KLF12: variants seen among roughly 807,000 people sequenced by gnomAD.
The protein encoded by KLF12 is KLF transcription factor 12, also known as Krueppel-like factor 12.
In KLF12, 9 loss-of-function variants were observed where a neutral mutation model predicts 37.8. The ratio of observed to expected loss-of-function variants is 0.24; its 90% CI spans 0.14 to 0.42. KLF12 has a LOEUF of 0.42. Ranked by LOEUF, KLF12 falls within the 10% of genes least tolerant of loss-of-function variation. KLF12 has a pLI of 1.00. For missense variants in KLF12, 411 were observed against 516.0 expected (o/e 0.80, Z 1.97); for synonymous variants, 208 against 202.1 (o/e 1.03, Z -0.25).
chr13:73,879,151 C>A (rs1053340603), intron 3 of KLF12, among the ~76,000 whole-genome samples: 22 of 152,186 alleles, frequency 1.4e-4, no homozygotes, highest in African/African-American at 5.1e-4. Context: ...AGAGACTCTT[C>A]AAGTTTACTG....
intron 2 of KLF12, among the ~76,000 whole-genome samples, chr13:73,969,845 T>C (rs1891278499): frequency 1.3e-5 from 2 of 152,328 alleles, no homozygotes; most frequent in South Asian, 2.1e-4. Flanking sequence ...TTCCTCTTAA[T>C]GCAGTACAGA....
At chr13:74,293,593 A>G in the KLF12 span, among the ~76,000 whole-genome samples, 1 of 152,176 alleles carries the variant, frequency 6.6e-6, no homozygotes, top group Non-Finnish European at 1.5e-5. Context: ...GATAAAATAG[A>G]TTCTCTTCTG....
At chr13:73,817,140 G>T (rs1343282240) in intron 4 of KLF12, among the ~76,000 whole-genome samples, 1 of 151,758 alleles carries the variant, frequency 6.6e-6, no homozygotes, top group East Asian at 1.9e-4. Context: ...AACGTAGTGA[G>T]ACCCAACCTC....
chr13:73,996,263 C>T lies in KLF12; in HGVS notation c.-31-1210G>A, dbSNP rs140110523. Among the ~76,000 whole-genome samples, 539 of 152,328 alleles carry T rather than the reference C, an allele frequency of 3.5e-3. 3 individuals carry two copies. The highest frequency in any genetic ancestry group is 0.011 in the African/African-American group (466 of 41,572). On this transcript the variant is annotated intron_variant, in intron 1 of 7. Transcript: ENST00000377669. ...ATCCAACATTTCAATATTATAGTGG[C>T]AGACTAAAAACATTCTCTTGAAATT...
the KLF12 span, among the ~76,000 whole-genome samples, chr13:74,197,578 C>G: frequency 6.6e-6 from 1 of 152,054 alleles, no homozygotes; most frequent in African/African-American, 2.4e-5. Context: ...ACTTTTGGTT[C>G]TATATGTATG....
intron 6 of KLF12, among the ~76,000 whole-genome samples, chr13:73,723,427 T>C (rs1876422219): frequency 6.6e-6 from 1 of 152,190 alleles, no homozygotes; most frequent in South Asian, 2.1e-4. Context: ...TCCCACAGAA[T>C]TTCTTCAGAA....
intron 2 of KLF12, among the ~76,000 whole-genome samples, chr13:73,987,057 C>A (rs375685682): frequency 6.6e-6 from 1 of 152,046 alleles, no homozygotes; most frequent in East Asian, 1.9e-4. Context: ...TCTAAAAGCA[C>A]AAATAGTTGA....
intron 3 of KLF12, among the ~76,000 whole-genome samples, chr13:73,913,395 C>T (rs1888666660): frequency 6.6e-6 from 1 of 152,218 alleles, no homozygotes; most frequent in Non-Finnish European, 1.5e-5. Flanking sequence ...GAGGGCTAGT[C>T]CTCGGGTTTG....
chr13:74,203,961 T>C, the KLF12 span, among the ~76,000 whole-genome samples: 1,086 of 152,230 alleles, frequency 7.1e-3, 11 homozygotes, highest in African/African-American at 0.022. Context: ...TAAAAAAAGA[T>C]ACAAATACTA....
chr13:73,963,980 C>T (rs1356894413), intron 2 of KLF12, among the ~76,000 whole-genome samples: 23 of 152,182 alleles, frequency 1.5e-4, no homozygotes, highest in Admixed American at 1.4e-3. Flanking sequence ...TGAGGTGGAA[C>T]TTAAGCAAGA....
At chr13:74,273,810 G>A in the KLF12 span, among the ~76,000 whole-genome samples, 5 of 152,056 alleles carry the variant, frequency 3.3e-5, no homozygotes, top group Non-Finnish European at 5.9e-5. Flanking sequence ...ATAATGCATG[G>A]CAGCTGGTGG....
rs182166388 is a variant in KLF12 at position 74,036,138 on chromosome 13, C to T, written c.-31-41085G>A. Among the ~76,000 whole-genome samples, 427 of 152,276 alleles carry T rather than the reference C, an allele frequency of 2.8e-3. 1 individual carries two copies. The highest frequency in any genetic ancestry group is 6.8e-3 in the Middle Eastern group (2 of 294). ...TCCTTGTGAACCATCTGACACCACC[C>T]ACTCTCTAAGTCTTCACAGATTTTC... On this transcript the variant is annotated intron_variant, in intron 1 of 7. Transcript: ENST00000377669.
At chr13:73,839,810 T>C (rs538836439) in intron 4 of KLF12, among the ~76,000 whole-genome samples, 15 of 152,280 alleles carry the variant, frequency 9.9e-5, no homozygotes, top group African/African-American at 3.6e-4. Flanking sequence ...AGGAAAAAGA[T>C]ACATAATGGA....
chr13:74,124,572 G>T (rs1219567401), intron 1 of KLF12, among the ~76,000 whole-genome samples: 1 of 152,078 alleles, frequency 6.6e-6, no homozygotes, highest in Non-Finnish European at 1.5e-5. Context: ...CACATAAAGT[G>T]CATTTAAAGT....
At chr13:74,258,925 C>T in the KLF12 span, 7 of 152,224 alleles carry the variant, frequency 4.6e-5, no homozygotes, top group Admixed American at 4.6e-4. Flanking sequence ...TAGAAGGTCC[C>T]GGTGCTCTCT....
chr13:74,062,203 C>T (rs1235346595), intron 1 of KLF12, among the ~76,000 whole-genome samples: 2 of 152,160 alleles, frequency 1.3e-5, no homozygotes, highest in Non-Finnish European at 2.9e-5. Flanking sequence ...TTGTAAAAAA[C>T]GACTCATCAT....
intron 5 of KLF12, among the ~76,000 whole-genome samples, chr13:73,808,167 C>A (rs1882744995): frequency 1.3e-5 from 2 of 151,882 alleles, no homozygotes; most frequent in African/African-American, 4.8e-5. Context: ...GGGTAATGAC[C>A]CTGTTTTATC....
chr13:73,722,792 T>A (rs1411327909), intron 6 of KLF12, among the ~76,000 whole-genome samples: 1 of 152,248 alleles, frequency 6.6e-6, no homozygotes. Flanking sequence ...GTTTTCCATA[T>A]GAACAGAATG....
chr13:74,249,021 T>C, the KLF12 span, among the ~76,000 whole-genome samples: 1 of 151,850 alleles, frequency 6.6e-6, no homozygotes, highest in African/African-American at 2.4e-5. Flanking sequence ...AGATGGGAAG[T>C]AAGGGTGGTA....
Sources: allele counts gnomAD v4.1 joint callset (sites outside exome capture counted in the v4.1 genomes callset), GRCh38; gene constraint gnomAD v4.1.1; transcripts MANE v1.5; gene names NCBI Gene and HGNC (gene_info 2026-07-23, HGNC 2026-07-21).